ANKRD13A: variants seen among roughly 807,000 people sequenced by gnomAD.
ANKRD13A encodes ankyrin repeat domain 13A, also known as ankyrin repeat domain-containing protein 13A.
ANKRD13A carries 48 observed loss-of-function variants against 81.3 expected under a neutral mutation model. That is an observed-to-expected ratio of 0.59 (90% confidence interval 0.47 to 0.75). The LOEUF is 0.75. Ranked by LOEUF, ANKRD13A falls within the 30% of genes least tolerant of loss-of-function variation. ANKRD13A has a pLI of 0.00. For missense variants in ANKRD13A, 612 were observed against 734.0 expected, an observed-to-expected ratio of 0.83 and a Z score of 1.92; for synonymous variants, 230 against 270.1, an observed-to-expected ratio of 0.85 and a Z score of 1.45.
rs569747923 is a variant in ANKRD13A at position 110,024,534 on chromosome 12, A to C, written c.801+422A>C. Among the ~76,000 whole-genome samples, 3 of 152,330 alleles carry C rather than the reference A, an allele frequency of 2.0e-5. 1 individual carries two copies. The highest frequency in any genetic ancestry group is 7.2e-5 in the African/African-American group (3 of 41,578). On this transcript the variant is annotated intron_variant, in intron 7 of 14. Coordinates refer to ENST00000261739, the MANE Select transcript of ANKRD13A (RefSeq NM_033121.2). Reference sequence around the variant, plus strand: ...ATCAGCAGGCGCACAGCCCATTTGCATGACATCAGTGCATTTAAAACATAG... The same window carrying C: ...ATCAGCAGGCGCACAGCCCATTTGCCTGACATCAGTGCATTTAAAACATAG...
In ANKRD13A at chr12:110,039,187, C is replaced by T. The variant is rs1016954405; in HGVS notation, c.*1633C>T. 2.6e-5 allele frequency: 4 copies of T among 151,976 alleles called. No homozygotes were observed. The highest frequency in any genetic ancestry group is 2.1e-4 in the South Asian group (1 of 4,824). 9.4% of individuals were successfully genotyped at this position (151,976 alleles called of 1,614,324 possible). A position where few individuals can be genotyped will look rare whatever the true frequency, so the allele number is the denominator to read the frequency against. ...GGTATTTTGTTTACTTTGCATTTAC[C>T]GTGAGCAAAGATACTTCTTGGAATG... On this transcript the variant is annotated 3_prime_UTR_variant, in exon 15 of 15. Transcript: ENST00000261739.
Position 110,037,622 on chromosome 12 carries a change from G to A in ANKRD13A, c.*68G>A, listed in dbSNP as rs1164600824. The A allele has an allele frequency of 6.6e-6, 10 of 1,515,872 alleles. No individual in the cohort carries two copies. The South Asian group carries it at 8.6e-5, about 13-fold the overall frequency. The allele number at this position is 1,515,872 out of a possible 1,614,324, so 93.9% of individuals were successfully genotyped here. A position where few individuals can be genotyped will look rare whatever the true frequency, so the allele number is the denominator to read the frequency against. Reference sequence around the variant, plus strand: ...GCTGTCACAGATGCTGTGTCAACCAGGGCCCTAGGGCTAAGGGCCTGCACC... The same window carrying A: ...GCTGTCACAGATGCTGTGTCAACCAAGGCCCTAGGGCTAAGGGCCTGCACC... On this transcript the variant is annotated 3_prime_UTR_variant, in exon 15 of 15. Coordinates refer to ENST00000261739, the MANE Select transcript of ANKRD13A (RefSeq NM_033121.2).
At chr12:110,016,310 AG>A (rs1890801086) in intron 3 of ANKRD13A, 77 bp from the exon 4 acceptor site, 2 of 1,126,306 alleles carry the variant, frequency 1.8e-6, no homozygotes, top group Non-Finnish European at 2.5e-6. Context: ...AGGGTTTTTA[AG>A]AACCCTGTTA....
Position 110,033,816 on chromosome 12 carries a change from T to C in ANKRD13A, c.1368T>C (p.Phe456=). The C allele has an allele frequency of 1.2e-6, 2 of 1,608,072 alleles. No individual in the cohort carries two copies. ...QADSASHITN[F]EVDQSVFEIP... Reference sequence around the variant, plus strand: ...TTTCAGCTTCCCACATCACAAACTTTGAGGTTGATCAATCTGTGTTTGAAA... The same window carrying C: ...TTTCAGCTTCCCACATCACAAACTTCGAGGTTGATCAATCTGTGTTTGAAA... The change falls in exon 13 of 15, where the codon TTT becomes TTC. Residue 456 remains phenylalanine (F), a synonymous_variant. Transcript: ENST00000261739.
Position 110,019,122 on chromosome 12 carries a change from T to A in ANKRD13A, c.545-17T>A. 6.4e-7 allele frequency: 1 copy of A among 1,561,732 alleles called. No individual in the cohort carries two copies. Among genetic ancestry groups the A allele is most frequent in the Non-Finnish European group, 8.7e-7 (1 of 1,151,826 alleles). On this transcript the variant is annotated splice_polypyrimidine_tract_variant and intron_variant, in intron 5 of 14. Transcript: ENST00000261739. ...TCCCTACTTTGCACTTAGTTATGCCTTTGTTTCCATTAATAGACAACTGGG... is the reference window on the plus strand; with the variant it reads ...TCCCTACTTTGCACTTAGTTATGCCATTGTTTCCATTAATAGACAACTGGG...
At position 110,036,191 on chromosome 12, in the gene ANKRD13A, C is replaced by T. The variant is rs868315060; in HGVS notation, c.1510-70C>T. On this transcript the variant is annotated intron_variant, in intron 13 of 14. Transcript: ENST00000261739. This position sits in a 1 kb window ranked among gnomAD's most constrained non-coding sequence, Gnocchi z 4.6. ...CTTTTAATTTGGTTCTTGCTGCCATCGTTTCCTTACCAGAATGGCACCAAT... is the reference window on the plus strand; with the variant it reads ...CTTTTAATTTGGTTCTTGCTGCCATTGTTTCCTTACCAGAATGGCACCAAT... The T allele has an allele frequency of 2.3e-4, 323 of 1,398,302 alleles. No homozygotes were observed. The Middle Eastern group carries it at 7.5e-3, about 33-fold the overall frequency. The allele number at this position is 1,398,302 out of a possible 1,614,324, so 86.6% of individuals were successfully genotyped here. A position where few individuals can be genotyped will look rare whatever the true frequency, so the allele number is the denominator to read the frequency against.
At chr12:110,010,388 T>C (rs956995218) in intron 1 of ANKRD13A, among the ~76,000 whole-genome samples, 2 of 152,244 alleles carry the variant, frequency 1.3e-5, no homozygotes, top group Non-Finnish European at 2.9e-5. Flanking sequence ...TGCTAATTAT[T>C]TCTTTCCTGC....
At chr12:110,000,758 T>C (rs921365334) in intron 1 of ANKRD13A, among the ~76,000 whole-genome samples, 1 of 146,958 alleles carries the variant, frequency 6.8e-6, no homozygotes, top group South Asian at 2.2e-4. Flanking sequence ...TTTCCTTCTT[T>C]TTTTTTTTTT....
chr12:110,026,065 G>A lies in ANKRD13A; in HGVS notation c.883+242G>A, dbSNP rs111325891. Among the ~76,000 whole-genome samples, 340 of 151,500 alleles carry A rather than the reference G, an allele frequency of 2.2e-3. 1 individual carries two copies. Among genetic ancestry groups the A allele is most frequent in the African/African-American group, 7.7e-3 (320 of 41,372 alleles). ...CAACCTCTGCCTCCTGGGTTCAAGT[G>A]ATTCTCCTGCCTCAGCCTCCTGAGT... On this transcript the variant is annotated intron_variant, in intron 8 of 14. Coordinates refer to ENST00000261739, the MANE Select transcript of ANKRD13A (RefSeq NM_033121.2).
At chr12:110,016,947 A>G (rs1038444167) in intron 4 of ANKRD13A, among the ~76,000 whole-genome samples, 1 of 151,824 alleles carries the variant, frequency 6.6e-6, no homozygotes. Context: ...TAATCTTTGT[A>G]TTTTTAGTAG....
At chr12:110,020,809 C>T (rs1022149240) in intron 6 of ANKRD13A, among the ~76,000 whole-genome samples, 2 of 152,184 alleles carry the variant, frequency 1.3e-5, no homozygotes, top group Non-Finnish European at 2.9e-5. Context: ...TAAATAACTG[C>T]GACTTTGGGC....
At chr12:110,029,370 G>C in intron 10 of ANKRD13A, 108 bp from the exon 11 acceptor site, 1 of 1,190,358 alleles carries the variant, frequency 8.4e-7, no homozygotes, top group Middle Eastern at 2.0e-4. Context: ...GAGATGACTG[G>C]GCAGAGTGTG....
intron 13 of ANKRD13A, 151 bp downstream of exon 13, chr12:110,034,108 C>G (rs1194896342): frequency 3.7e-6 from 3 of 816,852 alleles, no homozygotes; most frequent in African/African-American, 1.8e-5. Context: ...TGCATCTGGT[C>G]TTCTTACAAA....
At chr12:110,023,936 G>A in intron 6 of ANKRD13A, 110 bp from the exon 7 acceptor site, 2 of 1,057,626 alleles carry the variant, frequency 1.9e-6, no homozygotes, top group Non-Finnish European at 1.4e-6. Flanking sequence ...TGATTTCCAA[G>A]TGTCCTTCAC....
In ANKRD13A at chr12:110,033,798, T is replaced by C. The variant is rs764757402; in HGVS notation, c.1350T>C (p.Ala450=). 1 of 1,596,092 alleles carries C rather than the reference T, an allele frequency of 6.3e-7. No homozygotes were observed. The highest frequency in any genetic ancestry group is 8.6e-7 in the Non-Finnish European group (1 of 1,169,436). ...CTGGACGGTTGCCTTTTGTTTCAGC[T>C]TCCCACATCACAAACTTTGAGGTTG... ...QNVEGTQADS[A]SHITNFEVDQ... is the part of the protein sequence containing the mutation. The change falls in exon 13 of 15, where the codon GCT becomes GCC. Residue 450 remains alanine (A), a splice_region_variant and synonymous_variant. Coordinates refer to ENST00000261739, the MANE Select transcript of ANKRD13A (RefSeq NM_033121.2).
At chr12:110,026,272 T>G (rs1891320455) in intron 8 of ANKRD13A, among the ~76,000 whole-genome samples, 1 of 150,680 alleles carries the variant, frequency 6.6e-6, no homozygotes, top group Admixed American at 6.6e-5. Context: ...GCCCCTAACT[T>G]CTTTTTTATA....
rs374043528 is a variant in ANKRD13A at position 110,022,475 on chromosome 12, T to C, written c.735-1571T>C. 1.5e-4 allele frequency: 22 copies of C among 146,928 alleles called. 1 individual carries two copies. The highest frequency in any genetic ancestry group is 7.9e-4 in the East Asian group (4 of 5,056). The allele number at this position is 146,928 out of a possible 1,614,324, so 9.1% of individuals were successfully genotyped here. ...AAAAAAAAAAAAAAAAGAGTGCAAA[T>C]GCTTAGGGCAGTAGAGGCAGGATTG... On this transcript the variant is annotated intron_variant, in intron 6 of 14. Transcript: ENST00000261739.
At position 110,019,166 on chromosome 12, in the gene ANKRD13A, A is replaced by G. The variant is rs748494840; in HGVS notation, c.572A>G (p.Asn191Ser). 2.0e-5 allele frequency: 32 copies of G among 1,606,934 alleles called. No individual in the cohort carries two copies. Among genetic ancestry groups the G allele is most frequent in the Non-Finnish European group, 2.4e-5 (28 of 1,175,646 alleles). The change falls in exon 6 of 15, where the codon AAC becomes AGC. Residue 191 changes from asparagine (N) to serine (S), a missense_variant. Asn to Ser is a conservative substitution (Grantham distance 46). Transcript: ENST00000261739. ...EDNWAELMEV[N>S]HDDKVVTTER... Reference sequence around the variant, plus strand: ...AACTGGGCGGAGTTAATGGAAGTCAACCATGATGACAAAGTGGTCACCACC... The same window carrying G: ...AACTGGGCGGAGTTAATGGAAGTCAGCCATGATGACAAAGTGGTCACCACC...
chr12:110,034,478 C>T (rs989455259), intron 13 of ANKRD13A, among the ~76,000 whole-genome samples: 11 of 152,030 alleles, frequency 7.2e-5, no homozygotes, highest in Admixed American at 6.6e-4. Context: ...TTGCCCAAGT[C>T]GGAGTGCAGT....
Sources: gnomAD v4.1 joint callset for allele counts (sites outside exome capture counted in the v4.1 genomes callset) on GRCh38, gnomAD v4.1.1 for gene constraint, Gnocchi (gnomAD v3.1) non-coding constraint, MANE v1.5 for transcripts, NCBI Gene and HGNC (gene_info 2026-07-23, HGNC 2026-07-21) for gene names.